LRPPRC: variants seen among roughly 807,000 people sequenced by gnomAD.
LRPPRC encodes the protein leucine-rich PPR motif-containing protein, mitochondrial.
In LRPPRC, 120 loss-of-function variants were observed where a neutral mutation model predicts 180.3. The ratio of observed to expected loss-of-function variants is 0.67; its 90% CI spans 0.57 to 0.77. LRPPRC has a LOEUF of 0.77. Among genes scored for constraint, LRPPRC ranks in the 30% least tolerant of loss-of-function variants. The probability of loss-of-function intolerance (pLI) is 0.00; values close to 1 mark genes in which losing one functional copy is unlikely to be tolerated. For synonymous variants in LRPPRC, 723 were observed against 600.0 expected (o/e 1.21, Z -3.00); for missense variants, 2,012 against 1,657.2 (o/e 1.21, Z -3.72).
In LRPPRC at chr2:43,920,078, TTAA is replaced by T. The variant is rs1270619726; in HGVS notation, c.2897-1683_2897-1681del. On this transcript the variant is annotated intron_variant, in intron 27 of 37. Transcript: ENST00000260665. The stretch of plus-strand genomic sequence containing the variant: ...TCATTCTTCATGGGAAATCAGCAAT[TTAA>T]AAAAAAAAAAAAAAAAAAAAACTTA... Among the ~76,000 whole-genome samples the T allele has an allele frequency of 7.1e-3, 495 of 69,542 alleles. 3 individuals are homozygous for T. Among genetic ancestry groups the T allele is most frequent in the African/African-American group, 0.028 (451 of 16,158 alleles). The allele number at this position is 69,542 out of a possible 152,430, so 45.6% of individuals were successfully genotyped here.
chr2:43,994,630 T>A (rs959477339), intron 1 of LRPPRC, among the ~76,000 whole-genome samples: 1 of 152,180 alleles, frequency 6.6e-6, no homozygotes. Flanking sequence ...TGCAGATCCC[T>A]GGCTCTCAGT....
intron 34 of LRPPRC, among the ~76,000 whole-genome samples, chr2:43,897,553 G>A (rs529252646): frequency 5.9e-5 from 9 of 152,118 alleles, no homozygotes; most frequent in Admixed American, 2.0e-4. Flanking sequence ...TCTTCGCTAC[G>A]GCAAGAATAA....
chr2:43,971,773 G>GA (rs1209517250), intron 11 of LRPPRC, among the ~76,000 whole-genome samples: 1 of 151,810 alleles, frequency 6.6e-6, no homozygotes, highest in Non-Finnish European at 1.5e-5. Context: ...TTACACTAAA[G>GA]AAACTATAAA....
intron 11 of LRPPRC, among the ~76,000 whole-genome samples, chr2:43,970,152 C>T (rs371271482): frequency 3.3e-5 from 5 of 152,276 alleles, no homozygotes; most frequent in African/African-American, 1.2e-4. Context: ...CCCTTCACCC[C>T]ATCTTCTAAG....
At chr2:43,929,949 AAAACAAACAAACAAAC>A (rs34536805) in intron 25 of LRPPRC, among the ~76,000 whole-genome samples, 17 of 150,326 alleles carry the variant, frequency 1.1e-4, no homozygotes, top group East Asian at 9.9e-4. Context: ...GGACAAAACA[AAAACAAACAAACAAAC>A]AAACAAACAA....
intron 30 of LRPPRC, among the ~76,000 whole-genome samples, chr2:43,911,201 A>G (rs1671242940): frequency 6.6e-6 from 1 of 151,450 alleles, no homozygotes; most frequent in African/African-American, 2.4e-5. Flanking sequence ...AAAACACACA[A>G]ATGACACACA....
chr2:43,913,226 G>T (rs1263350928), intron 29 of LRPPRC, among the ~76,000 whole-genome samples: 1 of 152,142 alleles, frequency 6.6e-6, no homozygotes, highest in Non-Finnish European at 1.5e-5. Flanking sequence ...TGAATGAAAA[G>T]ATGTTACCAA....
chr2:43,889,943 C>G, intron 36 of LRPPRC, 67 bp from the exon 37 acceptor site: 1 of 1,180,334 alleles, frequency 8.5e-7, no homozygotes, highest in South Asian at 1.2e-5. Flanking sequence ...TTCACCAAAA[C>G]AGCCACTCAG....
rs1670298826 is a variant in LRPPRC, at chr2:43,887,164, A to AAAAAAAAAAAAT, written c.*1435_*1436insATTTTTTTTTTT. The AAAAAAAAAAAAT allele has an allele frequency of 6.7e-6, 1 of 148,740 alleles. No homozygotes were observed. The highest frequency in any genetic ancestry group is 1.5e-5 in the Non-Finnish European group (1 of 67,402). The allele number at this position is 148,740 out of a possible 1,614,324, so 9.2% of individuals were successfully genotyped here. A position where few individuals can be genotyped will look rare whatever the true frequency, so the allele number is the denominator to read the frequency against. On this transcript the variant is annotated 3_prime_UTR_variant, in exon 38 of 38. Coordinates refer to ENST00000260665, the MANE Select transcript of LRPPRC (RefSeq NM_133259.4). ...ATCTCAAAAAAAAAAAAAAAAAAAA[A>AAAAAAAAAAAAT]GATGCTTTTGGCAAACCTGTAACAT...
At chr2:43,947,231 T>C (rs774796643) in intron 20 of LRPPRC, 26 bp downstream of exon 20, 4 of 1,167,114 alleles carry the variant, frequency 3.4e-6, no homozygotes, top group South Asian at 2.7e-5. Context: ...GCCTTAATAA[T>C]ATTTAAATAT....
intron 27 of LRPPRC, among the ~76,000 whole-genome samples, chr2:43,920,520 A>T (rs550437193): frequency 1.3e-5 from 2 of 152,182 alleles, no homozygotes; most frequent in African/African-American, 4.8e-5. Context: ...TTTTATACAT[A>T]TACTGATAAA....
chr2:43,976,824 C>T lies in LRPPRC; in HGVS notation c.650+170G>A, dbSNP rs566119144. ...ACTTTTACTTATCTTTTCTCTCTTA[C>T]ACGATAATTTTATATTTTATGTAAG... On this transcript the variant is annotated intron_variant, in intron 5 of 37. Transcript: ENST00000260665. 4.5e-4 allele frequency among the ~76,000 whole-genome samples: 69 copies of T among 151,750 alleles called. 1 individual carries two copies. Among genetic ancestry groups the T allele is most frequent in the Non-Finnish European group, 8.8e-5 (6 of 67,932 alleles).
intron 23 of LRPPRC, 124 bp from the exon 24 acceptor site, chr2:43,935,002 G>A (rs1227224673): frequency 1.3e-5 from 9 of 688,998 alleles, no homozygotes; most frequent in East Asian, 2.8e-5. Flanking sequence ...ACTTAAGGTA[G>A]AAAACCACAA....
chr2:43,950,507 A>G, intron 15 of LRPPRC, 66 bp downstream of exon 15: 1 of 1,348,810 alleles, frequency 7.4e-7, no homozygotes, highest in Non-Finnish European at 1.1e-6. Context: ...AAATTATTAC[A>G]TAACCTATGG....
intron 12 of LRPPRC, among the ~76,000 whole-genome samples, chr2:43,961,517 C>T (rs1468282015): frequency 6.6e-6 from 1 of 152,210 alleles, no homozygotes; most frequent in Non-Finnish European, 1.5e-5. Context: ...AAAGAACATA[C>T]ATGCTAAGCA....
At chr2:43,950,297 G>A (rs963596134) in intron 15 of LRPPRC, among the ~76,000 whole-genome samples, 17 of 152,054 alleles carry the variant, frequency 1.1e-4, no homozygotes, top group African/African-American at 4.1e-4. Context: ...GTGCCATGGT[G>A]GTCGGCTGCA....
chr2:43,945,752 C>T (rs1180798165), intron 21 of LRPPRC, among the ~76,000 whole-genome samples: 2 of 151,926 alleles, frequency 1.3e-5, no homozygotes, highest in Non-Finnish European at 2.9e-5. Flanking sequence ...GGATAGGAAG[C>T]CAAAGGTACC....
intron 27 of LRPPRC, 58 bp from the exon 28 acceptor site, chr2:43,918,456 A>T: frequency 8.3e-7 from 1 of 1,209,170 alleles, no homozygotes; most frequent in South Asian, 1.2e-5. Flanking sequence ...GAATACACAA[A>T]AATATTTAGA....
At chr2:43,889,082 C>T (rs994969161) in intron 37 of LRPPRC, among the ~76,000 whole-genome samples, 9 of 151,994 alleles carry the variant, frequency 5.9e-5, no homozygotes, top group Non-Finnish European at 1.2e-4. Context: ...TTTGGGAGGC[C>T]GAGGTGGGCG....
Sources: gnomAD v4.1 joint callset for allele counts (sites outside exome capture counted in the v4.1 genomes callset) on GRCh38, gnomAD v4.1.1 for gene constraint, MANE v1.5 for transcripts, NCBI Gene and HGNC (gene_info 2026-07-23, HGNC 2026-07-21) for gene names.